Variants in LRRC37A observed in about 807,000 individuals in gnomAD.
LRRC37A encodes leucine-rich repeat-containing protein 37A.
Under a neutral mutation model 35.4 loss-of-function variants are expected in LRRC37A, and 3 were observed. That is an observed-to-expected ratio of 0.08 (90% CI 0.04 to 0.22). The LOEUF (loss-of-function observed/expected upper bound fraction) is 0.22, where lower values mean the gene tolerates loss of function less well. LRRC37A is among the 10% of genes least tolerant of loss of function. LRRC37A has a pLI of 1.00. For missense variants in LRRC37A, 67 were observed against 565.3 expected, an observed-to-expected ratio of 0.12 and a Z score of 8.94; for synonymous variants, 23 against 215.0, an observed-to-expected ratio of 0.11 and a Z score of 7.81.
the LRRC37A span, among the ~76,000 whole-genome samples, chr17:46,254,646 A>G: frequency 6.6e-6 from 1 of 150,550 alleles, no homozygotes; most frequent in African/African-American, 2.5e-5. Flanking sequence ...GGTTGAAGCG[A>G]TTCTCCTGTC....
the LRRC37A span, among the ~76,000 whole-genome samples, chr17:46,279,824 T>C: frequency 1.3e-5 from 2 of 152,228 alleles, no homozygotes; most frequent in Non-Finnish European, 2.9e-5. Context: ...CTTTTTGTTT[T>C]TAGTGGCGTT....
upstream of LRRC37A, among the ~76,000 whole-genome samples, chr17:46,291,921 G>A (rs1308406249): frequency 2.7e-5 from 4 of 145,542 alleles, no homozygotes; most frequent in Admixed American, 7.1e-5. Context: ...TGATTGCACC[G>A]CTGCACTCCA....
the LRRC37A span, among the ~76,000 whole-genome samples, chr17:46,280,354 ACT>A: frequency 6.6e-6 from 1 of 151,708 alleles, no homozygotes; most frequent in African/African-American, 2.4e-5. Flanking sequence ...ACAGAGTGAG[ACT>A]CTGTCTCAAA....
chr17:46,259,134 G>C, the LRRC37A span, among the ~76,000 whole-genome samples: 1 of 147,036 alleles, frequency 6.8e-6, no homozygotes, highest in Admixed American at 6.9e-5. Flanking sequence ...AATGCCATGT[G>C]GTGGAGGCAA....
At chr17:46,281,819 T>G in the LRRC37A span, among the ~76,000 whole-genome samples, 1 of 152,008 alleles carries the variant, frequency 6.6e-6, no homozygotes, top group Non-Finnish European at 1.5e-5. Flanking sequence ...AATTTTTGTA[T>G]TTTTAGTAGA....
At chr17:46,258,681 C>A in the LRRC37A span, among the ~76,000 whole-genome samples, 2 of 151,070 alleles carry the variant, frequency 1.3e-5, no homozygotes, top group African/African-American at 2.4e-5. Flanking sequence ...TTTGCAGCAA[C>A]CTGGACAGGA....
At chr17:46,266,944 C>G in the LRRC37A span, 32 of 160,756 alleles carry the variant, frequency 2.0e-4, no homozygotes, top group Admixed American at 1.6e-3. Context: ...GCGCGCGCGC[C>G]GCCGAGGGCC....
At chr17:46,278,255 T>C in the LRRC37A span, among the ~76,000 whole-genome samples, 6 of 152,206 alleles carry the variant, frequency 3.9e-5, no homozygotes, top group Admixed American at 3.9e-4. Flanking sequence ...CTGGGTAGCT[T>C]TCTTATACTG....
chr17:46,276,964 C>T, the LRRC37A span, among the ~76,000 whole-genome samples: 1 of 149,134 alleles, frequency 6.7e-6, no homozygotes, highest in Admixed American at 6.8e-5. Flanking sequence ...CCACCATGCT[C>T]AGCTAATTTT....
chr17:46,252,210 A>T, the LRRC37A span, among the ~76,000 whole-genome samples: 2 of 130,960 alleles, frequency 1.5e-5, no homozygotes, highest in African/African-American at 5.3e-5. Flanking sequence ...TCTTTGATTC[A>T]TTGATTTTTT....
the LRRC37A span, among the ~76,000 whole-genome samples, chr17:46,270,825 A>C: frequency 6.6e-6 from 1 of 152,204 alleles, no homozygotes; most frequent in Non-Finnish European, 1.5e-5. Flanking sequence ...GCTTGAACCT[A>C]GTAGGCAGAG....
the LRRC37A span, among the ~76,000 whole-genome samples, chr17:46,281,970 G>A: frequency 2.6e-5 from 4 of 151,926 alleles, no homozygotes; most frequent in Non-Finnish European, 5.9e-5. Context: ...GTAGTTTCTT[G>A]TTTTTGGTCT....
chr17:46,269,702 G>A, the LRRC37A span, among the ~76,000 whole-genome samples: 1 of 152,214 alleles, frequency 6.6e-6, no homozygotes, highest in Non-Finnish European at 1.5e-5. Context: ...TGCTGAACTG[G>A]CAGCTATCCC....
Position 46,331,346 on chromosome 17 carries a change from G to A in LRRC37A, c.4069G>A (p.Gly1357Arg), listed in dbSNP as rs566622963. The A allele has an allele frequency of 8.6e-6, 11 of 1,282,836 alleles. 1 individual carries two copies. Among genetic ancestry groups the A allele is most frequent in the Admixed American group, 7.0e-5 (3 of 42,924 alleles). 79.5% of individuals were successfully genotyped at this position (1,282,836 alleles called of 1,614,324 possible). ...GAGCCTCATAAATTCCCCTTCACAA[G>A]GGGCTTTTTCATCCTTAGGAGACCT... Residue 1357 changes from glycine (G) to arginine (R), a missense_variant, in exon 9 of 14, where the codon GGG (glycine) becomes AGG (arginine). Transcript: ENST00000320254.
the LRRC37A span, among the ~76,000 whole-genome samples, chr17:46,255,432 C>G: frequency 7.2e-6 from 1 of 139,136 alleles, no homozygotes; most frequent in African/African-American, 2.7e-5. Flanking sequence ...GTGGCGCGAT[C>G]TCTGCTCACT....
chr17:46,251,422 C>T, the LRRC37A span, among the ~76,000 whole-genome samples: 6 of 152,096 alleles, frequency 3.9e-5, no homozygotes, highest in African/African-American at 1.4e-4. Flanking sequence ...TCACGCCTGG[C>T]TAATTTTGTA....
chr17:46,282,246 G>T, the LRRC37A span, among the ~76,000 whole-genome samples: 1 of 152,030 alleles, frequency 6.6e-6, no homozygotes, highest in Admixed American at 6.5e-5. Context: ...GGGACTACAG[G>T]CGTCTGCCAC....
chr17:46,284,363 CT>C, the LRRC37A span, among the ~76,000 whole-genome samples: 1 of 152,264 alleles, frequency 6.6e-6, no homozygotes, highest in Non-Finnish European at 1.5e-5. Flanking sequence ...CTTCAAGCAT[CT>C]GTTTAACAAA....
the LRRC37A span, among the ~76,000 whole-genome samples, chr17:46,275,806 T>C: frequency 1.3e-5 from 2 of 152,324 alleles, no homozygotes; most frequent in East Asian, 1.9e-4. Flanking sequence ...GGAAAAATTA[T>C]GCTAAAACAA....
Sources: gnomAD v4.1 joint callset for allele counts (sites outside exome capture counted in the v4.1 genomes callset) on GRCh38, gnomAD v4.1.1 for gene constraint, MANE v1.5 for transcripts, NCBI Gene and HGNC (gene_info 2026-07-23, HGNC 2026-07-21) for gene names.